The following GLRX3 variants were observed in gnomAD, a reference collection of about 807,000 sequenced individuals.
GLRX3 encodes glutaredoxin-3.
A neutral mutation model predicts 49.5 loss-of-function variants in GLRX3; 22 were observed. The ratio of observed to expected loss-of-function variants is 0.44; its 90% CI spans 0.32 to 0.63. GLRX3 has a LOEUF of 0.63. GLRX3 is among the 30% of genes least tolerant of loss of function. GLRX3 has a pLI of 0.05. For synonymous variants in GLRX3, 133 were observed against 140.0 expected (o/e 0.95, Z 0.35); for missense variants, 385 against 396.3 (o/e 0.97, Z 0.24).
rs971522010 is a variant in GLRX3 at position 130,169,314 on chromosome 10, C to A, written c.714-119C>A. 19 of 704,316 alleles carry A rather than the reference C, an allele frequency of 2.7e-5. No individual in the cohort carries two copies. The African/African-American group carries it at 3.4e-4, about 12-fold the overall frequency. 43.6% of individuals were successfully genotyped at this position (704,316 alleles called of 1,614,324 possible). A position where few individuals can be genotyped will look rare whatever the true frequency, so the allele number is the denominator to read the frequency against. The stretch of plus-strand genomic sequence containing the variant: ...CAACGCATTTGCTTGTTTAATACCA[C>A]TCAAAGCTGTGAACTGTCATCCTGC... On this transcript the variant is annotated intron_variant, in intron 6 of 10. Coordinates refer to ENST00000331244, the MANE Select transcript of GLRX3 (RefSeq NM_006541.5).
At chr10:130,156,343 G>T (rs1030185980) in intron 2 of GLRX3, among the ~76,000 whole-genome samples, 1 of 152,148 alleles carries the variant, frequency 6.6e-6, no homozygotes, top group Non-Finnish European at 1.5e-5. Flanking sequence ...GGGCATAGCC[G>T]TCTTGGCCTA....
chr10:130,147,697 A>G (rs575996011), intron 2 of GLRX3, among the ~76,000 whole-genome samples: 1 of 152,240 alleles, frequency 6.6e-6, no homozygotes, highest in Non-Finnish European at 1.5e-5. Context: ...TTGCCGGACA[A>G]TAGTAAGCAA....
intron 10 of GLRX3, among the ~76,000 whole-genome samples, 196 bp downstream of exon 10, chr10:130,175,285 C>G (rs893734617): frequency 1.3e-5 from 2 of 152,240 alleles, no homozygotes; most frequent in African/African-American, 4.8e-5. Flanking sequence ...ACGTGGCAGC[C>G]TGTTCTTACT....
chr10:130,138,710 C>T (rs1862113893), intron 1 of GLRX3, among the ~76,000 whole-genome samples: 1 of 152,146 alleles, frequency 6.6e-6, no homozygotes, highest in African/African-American at 2.4e-5. Context: ...TTGAAATGAG[C>T]AGGTCTTGTG....
At chr10:130,159,584 A>G (rs1027500403) in intron 2 of GLRX3, among the ~76,000 whole-genome samples, 3 of 152,238 alleles carry the variant, frequency 2.0e-5, no homozygotes, top group African/African-American at 7.2e-5. Flanking sequence ...TGCCTCTTGA[A>G]ATTAGTCAAT....
intron 10 of GLRX3, among the ~76,000 whole-genome samples, chr10:130,176,608 A>C (rs1261242512): frequency 6.6e-6 from 1 of 152,048 alleles, no homozygotes; most frequent in African/African-American, 2.4e-5. Context: ...GTTTGATATC[A>C]TACTTCTTAA....
chr10:130,169,554 A>T lies in GLRX3; in HGVS notation c.771+64A>T, dbSNP rs1285714793. 33 of 1,031,468 alleles carry T rather than the reference A, an allele frequency of 3.2e-5. 1 individual carries two copies. The Admixed American group carries it at 5.7e-4, about 18-fold the overall frequency. 63.9% of individuals were successfully genotyped at this position (1,031,468 alleles called of 1,614,324 possible). ...TGATGTTAACATCTGCAACAAGGGG[A>T]CAGTTAAATCTTTTTCCTAGCTTTA... On this transcript the variant is annotated intron_variant, in intron 7 of 10. Coordinates refer to ENST00000331244, the MANE Select transcript of GLRX3 (RefSeq NM_006541.5).
chr10:130,143,524 T>C (rs1260952734), intron 1 of GLRX3, among the ~76,000 whole-genome samples: 1 of 152,112 alleles, frequency 6.6e-6, no homozygotes, highest in Non-Finnish European at 1.5e-5. Flanking sequence ...GTTCATACTA[T>C]AAATGTTTAG....
At chr10:130,155,057 A>G (rs1032318017) in intron 2 of GLRX3, among the ~76,000 whole-genome samples, 1 of 152,032 alleles carries the variant, frequency 6.6e-6, no homozygotes, top group South Asian at 2.1e-4. Context: ...CTGCAGCCCC[A>G]AACTTCCGAG....
chr10:130,173,159 T>A (rs1306139515), intron 8 of GLRX3, among the ~76,000 whole-genome samples: 1 of 152,150 alleles, frequency 6.6e-6, no homozygotes, highest in Non-Finnish European at 1.5e-5. Flanking sequence ...AGTCCATCCC[T>A]CTCTAGCAGT....
At chr10:130,174,834 A>G (rs1451386302) in intron 8 of GLRX3, 33 bp from the exon 9 acceptor site, 1 of 1,394,514 alleles carries the variant, frequency 7.2e-7, no homozygotes, top group South Asian at 1.2e-5. Context: ...ATTTAACTGT[A>G]TTTCCAGTTA....
At chr10:130,172,498 T>C (rs1363877088) in intron 8 of GLRX3, among the ~76,000 whole-genome samples, 1 of 152,210 alleles carries the variant, frequency 6.6e-6, no homozygotes, top group Non-Finnish European at 1.5e-5. Context: ...GATATTTTTG[T>C]TTATTTCTCA....
intron 2 of GLRX3, among the ~76,000 whole-genome samples, chr10:130,154,664 T>TA (rs1289434554): frequency 3.9e-5 from 6 of 152,246 alleles, no homozygotes; most frequent in Admixed American, 2.6e-4. Context: ...GTTCTCTCCT[T>TA]AGTCTTGCAG....
At chr10:130,151,566 C>T (rs985675136) in intron 2 of GLRX3, among the ~76,000 whole-genome samples, 7 of 152,024 alleles carry the variant, frequency 4.6e-5, no homozygotes, top group Admixed American at 1.3e-4. Flanking sequence ...GTTCCCCTCC[C>T]TGTGTCCATG....
chr10:130,144,716 CA>C (rs1862239533), intron 1 of GLRX3, among the ~76,000 whole-genome samples: 1 of 152,152 alleles, frequency 6.6e-6, no homozygotes, highest in African/African-American at 2.4e-5. Context: ...CATTGACAGG[CA>C]TTTGGGTTGG....
chr10:130,141,380 C>T (rs973876011), intron 1 of GLRX3, among the ~76,000 whole-genome samples: 1 of 152,034 alleles, frequency 6.6e-6, no homozygotes, highest in East Asian at 1.9e-4. Flanking sequence ...GTATTACATA[C>T]AGTAACAATG....
chr10:130,179,335 T>A lies in GLRX3; in HGVS notation c.958-7T>A, dbSNP rs1303540661. The stretch of plus-strand genomic sequence containing the variant: ...TACATATTATTATTGTTGTTTTTTA[T>A]TTTTAGGAACTGAAAGAAAATGGTG... On this transcript the variant is annotated splice_polypyrimidine_tract_variant and splice_region_variant and intron_variant, in intron 10 of 10. Transcript: ENST00000331244. The A allele has an allele frequency of 2.3e-6, 3 of 1,324,342 alleles. No homozygotes were observed. The East Asian group carries it at 6.9e-5, about 31-fold the overall frequency. 82.0% of individuals were successfully genotyped at this position (1,324,342 alleles called of 1,614,324 possible). A position where few individuals can be genotyped will look rare whatever the true frequency, so the allele number is the denominator to read the frequency against.
chr10:130,171,149 T>A (rs1055197486), intron 7 of GLRX3, among the ~76,000 whole-genome samples: 8 of 150,914 alleles, frequency 5.3e-5, no homozygotes, highest in Non-Finnish European at 1.2e-4. Context: ...AATAAATAAA[T>A]AAAATAAAAA....
intron 2 of GLRX3, among the ~76,000 whole-genome samples, chr10:130,150,183 T>C (rs1862346327): frequency 6.9e-6 from 1 of 144,312 alleles, no homozygotes; most frequent in Admixed American, 7.3e-5. Flanking sequence ...GAGGTTGCAG[T>C]GAGTTGAGAC....
Sources: gnomAD v4.1 joint callset for allele counts (sites outside exome capture counted in the v4.1 genomes callset) on GRCh38, gnomAD v4.1.1 for gene constraint, MANE v1.5 for transcripts, NCBI Gene and HGNC (gene_info 2026-07-23, HGNC 2026-07-21) for gene names.